FRMD5: variants seen among roughly 807,000 people sequenced by gnomAD.
The protein encoded by FRMD5 is FERM domain containing 5.
In FRMD5, 20 loss-of-function variants were observed where a neutral mutation model predicts 69.0. The ratio of observed to expected loss-of-function variants is 0.29; its 90% CI spans 0.20 to 0.42. The LOEUF (loss-of-function observed/expected upper bound fraction) is 0.42, where lower values mean the gene tolerates loss of function less well. FRMD5 is among the 10% of genes least tolerant of loss of function. FRMD5 has a pLI of 1.00. For missense variants in FRMD5, 595 were observed against 708.6 expected (o/e 0.84, Z 1.82); for synonymous variants, 271 against 260.1 (o/e 1.04, Z -0.40).
rs1186647756 is a variant in FRMD5, at chr15:44,146,162, T to TC, written c.102+48790dup. Among the ~76,000 whole-genome samples, 8 of 152,038 alleles carry TC rather than the reference T, an allele frequency of 5.3e-5. 1 individual carries two copies. In the East Asian group the frequency reaches 1.5e-3, roughly 29 times the overall value. ...CCTGATGCTCTCCCTTCCCTTGCCA[T>TC]CCCCCAACAGGCCCCAGTTTGTGTT... On this transcript the variant is annotated intron_variant, in intron 1 of 13. Transcript: ENST00000417257.
chr15:44,105,159 C>T (rs1280670427), intron 1 of FRMD5, among the ~76,000 whole-genome samples: 3 of 151,608 alleles, frequency 2.0e-5, no homozygotes, highest in Non-Finnish European at 4.4e-5. Flanking sequence ...TCACTGCAGC[C>T]TCGATGTCCC....
intron 1 of FRMD5, among the ~76,000 whole-genome samples, chr15:44,028,883 C>T (rs1276341983): frequency 6.6e-6 from 1 of 152,168 alleles, no homozygotes; most frequent in East Asian, 1.9e-4. Context: ...TTAAACTAGA[C>T]TGGATATTTA....
chr15:44,133,403 C>T (rs1189279146), intron 1 of FRMD5, among the ~76,000 whole-genome samples: 5 of 151,262 alleles, frequency 3.3e-5, no homozygotes, highest in Non-Finnish European at 5.9e-5. Flanking sequence ...GGTGAAACCC[C>T]GTGTCTACTA....
chr15:43,871,284 A>C lies in FRMD5; in HGVS notation c.*2601T>G, dbSNP rs571894309. 6.6e-6 allele frequency: 1 copy of C among 152,342 alleles called. No homozygotes were observed. Among genetic ancestry groups the C allele is most frequent in the South Asian group, 2.1e-4 (1 of 4,828 alleles). The allele number at this position is 152,342 out of a possible 1,614,324, so 9.4% of individuals were successfully genotyped here. A position where few individuals can be genotyped will look rare whatever the true frequency, so the allele number is the denominator to read the frequency against. Reference sequence around the variant, plus strand: ...ACAACCCTAAAGTTTCTGTTTACAGAGCAAAATTTAGCTGTTAGAAATGGC... The same window carrying C: ...ACAACCCTAAAGTTTCTGTTTACAGCGCAAAATTTAGCTGTTAGAAATGGC... On this transcript the variant is annotated 3_prime_UTR_variant, in exon 14 of 14. Coordinates refer to ENST00000417257, the MANE Select transcript of FRMD5 (RefSeq NM_032892.5).
chr15:44,141,164 T>C (rs988102871), intron 1 of FRMD5, among the ~76,000 whole-genome samples: 2 of 152,090 alleles, frequency 1.3e-5, no homozygotes, highest in Non-Finnish European at 2.9e-5. Context: ...TGGAGAAATA[T>C]ATTATGTTCA....
At chr15:43,988,560 G>C (rs1429919714) in intron 1 of FRMD5, among the ~76,000 whole-genome samples, 1 of 151,710 alleles carries the variant, frequency 6.6e-6, no homozygotes, top group Non-Finnish European at 1.5e-5. Context: ...CAACTCCCAG[G>C]GAGACAAAAA....
At chr15:43,928,698 A>G (rs2089626772) in intron 1 of FRMD5, among the ~76,000 whole-genome samples, 1 of 152,172 alleles carries the variant, frequency 6.6e-6, no homozygotes, top group Admixed American at 6.5e-5. Context: ...TTTTCTTTTG[A>G]TGAGATGGCA....
At chr15:44,166,220 C>T (rs967528076) in intron 1 of FRMD5, among the ~76,000 whole-genome samples, 22 of 152,146 alleles carry the variant, frequency 1.4e-4, no homozygotes, top group African/African-American at 5.1e-4. Flanking sequence ...TGTAATTCCT[C>T]ATTGTATTAA....
chr15:43,900,452 T>C (rs1447022298), intron 7 of FRMD5, among the ~76,000 whole-genome samples: 2 of 152,186 alleles, frequency 1.3e-5, no homozygotes, highest in Non-Finnish European at 2.9e-5. Flanking sequence ...TGCAGCAGGC[T>C]GTGCTAGTGG....
At chr15:44,165,020 C>T (rs984011752) in intron 1 of FRMD5, among the ~76,000 whole-genome samples, 10 of 152,156 alleles carry the variant, frequency 6.6e-5, no homozygotes, top group African/African-American at 1.4e-4. Flanking sequence ...GCTCCCTAGC[C>T]TCCCTTTTTG....
chr15:43,946,922 C>A (rs1236581716), intron 1 of FRMD5, among the ~76,000 whole-genome samples: 3 of 152,182 alleles, frequency 2.0e-5, no homozygotes, highest in African/African-American at 7.2e-5. Flanking sequence ...TGGTAGGCAA[C>A]TTCAGTCTTT....
At chr15:43,952,041 T>C (rs1758457735) in intron 1 of FRMD5, among the ~76,000 whole-genome samples, 1 of 144,684 alleles carries the variant, frequency 6.9e-6, no homozygotes, top group Non-Finnish European at 1.5e-5. Context: ...TGTGTGTGTG[T>C]TTCAGAGTTG....
intron 1 of FRMD5, among the ~76,000 whole-genome samples, chr15:43,937,815 T>C (rs2089787639): frequency 6.6e-6 from 1 of 152,076 alleles, no homozygotes; most frequent in Non-Finnish European, 1.5e-5. Flanking sequence ...GTTTCAAGTT[T>C]AGCCAAGATA....
intron 1 of FRMD5, among the ~76,000 whole-genome samples, chr15:44,003,590 C>T (rs1157552088): frequency 1.3e-5 from 2 of 152,194 alleles, no homozygotes; most frequent in African/African-American, 4.8e-5. Flanking sequence ...TCACACTCTA[C>T]AGCTATAATC....
At chr15:44,091,205 C>G (rs747266862) in intron 1 of FRMD5, among the ~76,000 whole-genome samples, 1 of 152,148 alleles carries the variant, frequency 6.6e-6, no homozygotes, top group Admixed American at 6.5e-5. Context: ...GTTAAATCCA[C>G]CTAAGTGTTA....
At position 43,975,940 on chromosome 15, in the gene FRMD5, G is replaced by C. The variant is rs370690884; in HGVS notation, c.103-51631C>G. ...GAAAGACAAATAGATCAACAGAACA[G>C]AATAAAGAGCCTATAAATAGACCCA... On this transcript the variant is annotated intron_variant, in intron 1 of 13. Transcript: ENST00000417257. Among the ~76,000 whole-genome samples the C allele has an allele frequency of 5.9e-5, 9 of 151,862 alleles. No homozygotes were observed. The East Asian group carries it at 9.7e-4, about 16-fold the overall frequency.
chr15:43,922,769 C>T (rs1360159103), intron 2 of FRMD5, among the ~76,000 whole-genome samples: 4 of 151,252 alleles, frequency 2.6e-5, no homozygotes, highest in Non-Finnish European at 5.9e-5. Flanking sequence ...CTCCCGGGTT[C>T]GAGTGATTCT....
intron 1 of FRMD5, among the ~76,000 whole-genome samples, chr15:43,979,778 C>T (rs1204219559): frequency 1.3e-5 from 2 of 152,010 alleles, no homozygotes; most frequent in Admixed American, 6.6e-5. Context: ...TTACTTTTAC[C>T]CACTGTTCTT....
At chr15:43,931,234 T>C (rs1416618899) in intron 1 of FRMD5, among the ~76,000 whole-genome samples, 2 of 152,242 alleles carry the variant, frequency 1.3e-5, no homozygotes, top group Non-Finnish European at 2.9e-5. Context: ...TAAATTTTAG[T>C]TGTATTTTTC....
Sources: allele counts gnomAD v4.1 joint callset (sites outside exome capture counted in the v4.1 genomes callset), GRCh38; gene constraint gnomAD v4.1.1; transcripts MANE v1.5; gene names NCBI Gene and HGNC (gene_info 2026-07-23, HGNC 2026-07-21).